Variants in DNER observed in about 807,000 individuals in gnomAD.
DNER encodes delta/notch like EGF repeat containing.
DNER carries 33 observed loss-of-function variants against 78.2 expected under a neutral mutation model. That is an observed-to-expected ratio of 0.42 (90% CI 0.32 to 0.56). The LOEUF (loss-of-function observed/expected upper bound fraction) is 0.56. DNER is among the 20% of genes least tolerant of loss of function. The pLI is 0.11. For missense variants in DNER, 918 were observed against 975.3 expected (o/e 0.94, Z 0.78); for synonymous variants, 417 against 384.8 (o/e 1.08, Z -0.98).
At position 229,399,123 on chromosome 2, in the gene DNER, C is replaced by T. The variant is rs772052627; in HGVS notation, c.1723+8109G>A. The stretch of plus-strand genomic sequence containing the variant: ...ATCAGAAAGGAAGAAATAAAACTGC[C>T]GCTCTTTTCAGATGGCATCATTATT... On this transcript the variant is annotated intron_variant, in intron 10 of 12. Transcript: ENST00000341772. Among the ~76,000 whole-genome samples the T allele has an allele frequency of 1.7e-4, 25 of 151,412 alleles. No individual in the cohort carries two copies. The South Asian group carries it at 1.9e-3, about 11-fold the overall frequency.
chr2:229,660,223 G>A (rs1055046096), intron 1 of DNER, among the ~76,000 whole-genome samples: 1 of 152,012 alleles, frequency 6.6e-6, no homozygotes, highest in Non-Finnish European at 1.5e-5. Flanking sequence ...TCATCATGCA[G>A]GTATTAAGAC....
rs749824047 is a variant in DNER, at chr2:229,626,215, G to C, written c.277-34327C>G. Among the ~76,000 whole-genome samples the C allele has an allele frequency of 3.8e-4, 58 of 152,118 alleles. 1 individual carries two copies. The highest frequency in any genetic ancestry group is 1.2e-4 in the Non-Finnish European group (8 of 68,026). On this transcript the variant is annotated intron_variant, in intron 1 of 12. Coordinates refer to ENST00000341772, the MANE Select transcript of DNER (RefSeq NM_139072.4). ...ATTACAGGCGTGAGCCACCGTGCCCGGCCTACTATGCAACTTCAATGACAT... is the reference window on the plus strand; with the variant it reads ...ATTACAGGCGTGAGCCACCGTGCCCCGCCTACTATGCAACTTCAATGACAT...
intron 1 of DNER, among the ~76,000 whole-genome samples, chr2:229,664,504 C>T (rs968385294): frequency 5.0e-4 from 76 of 151,990 alleles, no homozygotes; most frequent in Admixed American, 4.9e-3. Flanking sequence ...ATAATAATAA[C>T]GAAAACAAAA....
chr2:229,430,844 T>C (rs1279213985), intron 8 of DNER, among the ~76,000 whole-genome samples: 1 of 151,962 alleles, frequency 6.6e-6, no homozygotes, highest in African/African-American at 2.4e-5. Context: ...TAACCCTTGA[T>C]TGGCAGTAAG....
chr2:229,491,902 G>A (rs190754426), intron 6 of DNER, among the ~76,000 whole-genome samples: 4 of 151,804 alleles, frequency 2.6e-5, no homozygotes, highest in Admixed American at 2.0e-4. Flanking sequence ...ATAACCTTAA[G>A]TATTCTCTTC....
chr2:229,618,642 G>T (rs72991622), intron 1 of DNER, among the ~76,000 whole-genome samples: 3,351 of 152,236 alleles, frequency 0.022, 50 homozygotes, highest in Non-Finnish European at 0.032. Flanking sequence ...CTCAGCTGCC[G>T]TCCAAATTGT....
chr2:229,473,287 A>C (rs1435700622), intron 7 of DNER, among the ~76,000 whole-genome samples: 4 of 152,346 alleles, frequency 2.6e-5, no homozygotes, highest in Admixed American at 2.6e-4. Flanking sequence ...TTTTCTTTGC[A>C]TGCATTTTAC....
chr2:229,450,432 T>C (rs1046269030), intron 7 of DNER, among the ~76,000 whole-genome samples: 1 of 152,256 alleles, frequency 6.6e-6, no homozygotes, highest in East Asian at 1.9e-4. Context: ...TAGTTAAGCA[T>C]TGGATTAGCA....
Position 229,407,334 on chromosome 2 carries a change from C to T in DNER, c.1621G>A (p.Glu541Lys). ...TTAGCGCAGGGATCCTTGTACAATT[C>T]ACAGTGTGTTCCTGCAGAGAAACAA... ...CLAEYKGTHC[E>K]LYKDPCANVS... The change falls in exon 10 of 13, where the codon GAA (glutamate) becomes AAA (lysine). Residue 541 changes from glutamate to lysine, a missense_variant. Glu to Lys is a moderately conservative substitution (Grantham distance 56). Transcript: ENST00000341772. The T allele has an allele frequency of 2.5e-6, 4 of 1,613,422 alleles. No individual in the cohort carries two copies. The highest frequency in any genetic ancestry group is 3.4e-6 in the Non-Finnish European group (4 of 1,179,436).
chr2:229,447,564 T>TA (rs780599782), intron 7 of DNER, 24 bp from the exon 8 acceptor site: 15 of 1,603,070 alleles, frequency 9.4e-6, no homozygotes, highest in Admixed American at 1.7e-5. Flanking sequence ...CATGAGAGCT[T>TA]AAAAAAACTA....
intron 4 of DNER, among the ~76,000 whole-genome samples, chr2:229,578,471 G>A (rs561377380): frequency 6.6e-6 from 1 of 152,304 alleles, no homozygotes; most frequent in South Asian, 2.1e-4. Flanking sequence ...CACATCTAGA[G>A]ACTTGATGCC....
intron 5 of DNER, among the ~76,000 whole-genome samples, chr2:229,539,414 A>G (rs574991916): frequency 1.6e-4 from 24 of 152,346 alleles, no homozygotes; most frequent in Non-Finnish European, 1.6e-4. Context: ...TTGAAATGAT[A>G]AGGAAGAACT....
rs1196742481 is a variant in DNER at position 229,586,544 on chromosome 2, A to C, written c.681-520T>G. On this transcript the variant is annotated intron_variant, in intron 3 of 12. Coordinates refer to ENST00000341772, the MANE Select transcript of DNER (RefSeq NM_139072.4). The stretch of plus-strand genomic sequence containing the variant: ...AAAAAAAAAAAAAAAAAAAAAAAAA[A>C]AAAAAACACACAAAACCACCCCACA... 63 of 167,700 alleles carry C rather than the reference A, an allele frequency of 3.8e-4. 1 individual carries two copies. Among genetic ancestry groups the C allele is most frequent in the South Asian group, 2.1e-3 (10 of 4,666 alleles). The allele number at this position is 167,700 out of a possible 1,614,324, so 10.4% of individuals were successfully genotyped here.
At chr2:229,497,299 A>G (rs993977502) in intron 6 of DNER, among the ~76,000 whole-genome samples, 1 of 152,176 alleles carries the variant, frequency 6.6e-6, no homozygotes, top group Admixed American at 6.5e-5. Context: ...ATGCAGTTAA[A>G]GCAGTTCTAA....
intron 5 of DNER, among the ~76,000 whole-genome samples, chr2:229,534,733 GTT>G (rs897120555): frequency 2.2e-4 from 34 of 152,184 alleles, no homozygotes; most frequent in Admixed American, 7.9e-4. Context: ...CTTCTATATT[GTT>G]TTGTTTTAGA....
chr2:229,474,467 T>C (rs1321449735), intron 7 of DNER, among the ~76,000 whole-genome samples: 1 of 152,200 alleles, frequency 6.6e-6, no homozygotes, highest in Non-Finnish European at 1.5e-5. Flanking sequence ...CATCTTCATC[T>C]TGTCAATTCC....
At chr2:229,663,560 T>C (rs1394615663) in intron 1 of DNER, among the ~76,000 whole-genome samples, 1 of 152,168 alleles carries the variant, frequency 6.6e-6, no homozygotes, top group Non-Finnish European at 1.5e-5. Context: ...GAGATTTCAA[T>C]TTTCAGTCTC....
At chr2:229,628,918 A>G (rs1344550289) in intron 1 of DNER, among the ~76,000 whole-genome samples, 1 of 152,102 alleles carries the variant, frequency 6.6e-6, no homozygotes, top group Non-Finnish European at 1.5e-5. Flanking sequence ...TGCTTCCCCT[A>G]ACATATTTTC....
chr2:229,500,809 T>A (rs1160600017), intron 6 of DNER, among the ~76,000 whole-genome samples: 2 of 152,176 alleles, frequency 1.3e-5, no homozygotes, highest in Non-Finnish European at 2.9e-5. Flanking sequence ...CCAAGCAGTA[T>A]ACACTGTACC....
Sources: gnomAD v4.1 joint callset for allele counts (sites outside exome capture counted in the v4.1 genomes callset) on GRCh38, gnomAD v4.1.1 for gene constraint, MANE v1.5 for transcripts, NCBI Gene and HGNC (gene_info 2026-07-23, HGNC 2026-07-21) for gene names.